The following TTLL8 variants were observed in gnomAD, a reference collection of about 807,000 sequenced individuals.
TTLL8 encodes tubulin tyrosine ligase like 8.
In TTLL8, 65 loss-of-function variants were observed where a neutral mutation model predicts 77.8. That is an observed-to-expected ratio of 0.84 (90% CI 0.68 to 1.03). The LOEUF (loss-of-function observed/expected upper bound fraction) is 1.03, where lower values mean the gene tolerates loss of function less well. Among genes scored for constraint, TTLL8 ranks in the 50% least tolerant of loss-of-function variants. The probability of loss-of-function intolerance (pLI) is 0.00; values close to 1 mark genes in which losing one functional copy is unlikely to be tolerated. For missense variants in TTLL8, 910 were observed against 1,004.5 expected (o/e 0.91, Z 1.27); for synonymous variants, 402 against 422.8 (o/e 0.95, Z 0.60).
At position 50,028,586 on chromosome 22, in the gene TTLL8, T is replaced by C. The variant is rs376572471; in HGVS notation, c.2203+1844A>G. Among the ~76,000 whole-genome samples the C allele has an allele frequency of 2.2e-5, 3 of 138,934 alleles. No individual in the cohort carries two copies. The South Asian group carries it at 7.1e-4, about 33-fold the overall frequency. The allele number at this position is 138,934 out of a possible 152,430, so 91.1% of individuals were successfully genotyped here. A position where few individuals can be genotyped will look rare whatever the true frequency, so the allele number is the denominator to read the frequency against. On this transcript the variant is annotated intron_variant, in intron 12 of 13. Transcript: ENST00000266182. ...CGTGCCGTCATAAAGACCCCCACCA[T>C]GCCCTCGTAAAGACCCCCATCACAC... is the stretch of plus-strand genomic sequence containing the variant.
rs186579177 is a variant in TTLL8 at position 50,051,146 on chromosome 22, G to A, written c.52-899C>T. ...CACAGTGCTGGGATTACAGGCGTGAGCCACCGCGCCCAGCCCCAATATGTA... is the reference window on the plus strand; with the variant it reads ...CACAGTGCTGGGATTACAGGCGTGAACCACCGCGCCCAGCCCCAATATGTA... On this transcript the variant is annotated intron_variant, in intron 1 of 13. Transcript: ENST00000266182. 4.9e-3 allele frequency among the ~76,000 whole-genome samples: 750 copies of A among 152,330 alleles called. 10 individuals are homozygous for A. The highest frequency in any genetic ancestry group is 0.017 in the African/African-American group (719 of 41,568).
chr22:50,027,447 T>C (rs1308341471), intron 12 of TTLL8: 1 of 187,894 alleles, frequency 5.3e-6, no homozygotes, highest in Non-Finnish European at 9.8e-6. Context: ...GGCAGGAGAA[T>C]TGCTTGAACC....
At chr22:50,047,235 T>A (rs1413795775) in exon 4 of TTLL8, 3 of 1,367,546 alleles carry the variant, frequency 2.2e-6, no homozygotes, top group Non-Finnish European at 2.9e-6. Context: ...GCTGTGATAG[T>A]CAATGATGTC....
intron 8 of TTLL8, among the ~76,000 whole-genome samples, chr22:50,036,607 T>C (rs116707393): frequency 0.029 from 4,394 of 151,494 alleles, 225 homozygotes; most frequent in African/African-American, 0.1. Context: ...CTTTTCTTTT[T>C]TTTTTTTTTT....
At chr22:50,030,763 C>T (rs1168081693) in exon 12 of TTLL8, 2 of 1,342,280 alleles carry the variant, frequency 1.5e-6, no homozygotes, top group Middle Eastern at 2.1e-4. Context: ...TGGGCAGGGT[C>T]TGGCATGGCC....
intron 1 of TTLL8, among the ~76,000 whole-genome samples, chr22:50,051,778 T>C (rs1034646124): frequency 2.0e-5 from 3 of 152,222 alleles, no homozygotes; most frequent in African/African-American, 7.2e-5. Flanking sequence ...CGCATTTCCC[T>C]GAGAATTAGT....
chr22:50,056,229 G>A (rs571993432), upstream of TTLL8, among the ~76,000 whole-genome samples: 15 of 152,308 alleles, frequency 9.8e-5, no homozygotes, highest in South Asian at 3.1e-3. This position sits in a 1 kb window ranked among gnomAD's most constrained non-coding sequence, Gnocchi z 4.1. Flanking sequence ...AGGCCATAGC[G>A]CGATTTAACC....
chr22:50,034,622 G>C lies in TTLL8; in HGVS notation c.922-160C>G. 1 of 677,216 alleles carries C rather than the reference G, an allele frequency of 1.5e-6. No homozygotes were observed. Among genetic ancestry groups the C allele is most frequent in the Non-Finnish European group, 2.1e-6 (1 of 468,096 alleles). 42.0% of individuals were successfully genotyped at this position (677,216 alleles called of 1,614,324 possible). On this transcript the variant is annotated intron_variant, in intron 8 of 13. Transcript: ENST00000266182. The surrounding 1 kb of genome is among the most constrained non-coding windows in gnomAD (Gnocchi z 4.1). ...GGCTGGCCTGGCGGGAAAGGGCTGC[G>C]GGTCGGCCCAGGAAGTTCTCCCAAC...
upstream of TTLL8, chr22:50,055,131 G>A (rs1354581793): frequency 3.3e-6 from 4 of 1,201,424 alleles, no homozygotes; most frequent in Admixed American, 3.4e-5. Flanking sequence ...TGCAGCTCGG[G>A]GGCACAGTGC....
At chr22:50,046,445 G>C (rs1326870596) in intron 4 of TTLL8, among the ~76,000 whole-genome samples, 1 of 152,222 alleles carries the variant, frequency 6.6e-6, no homozygotes, top group African/African-American at 2.4e-5. Context: ...CCCGCACCCC[G>C]ATGTCTGGTT....
At chr22:50,051,431 G>A (rs1005303257) in intron 1 of TTLL8, among the ~76,000 whole-genome samples, 10 of 152,198 alleles carry the variant, frequency 6.6e-5, no homozygotes, top group Non-Finnish European at 1.3e-4. Flanking sequence ...TTATCCGCTC[G>A]TTGGTTGATG....
chr22:50,026,287 C>A (rs2061229105), intron 12 of TTLL8, among the ~76,000 whole-genome samples: 1 of 152,068 alleles, frequency 6.6e-6, no homozygotes. Flanking sequence ...ACAGCCGCCA[C>A]CCTGCACAGC....
At chr22:50,033,731 C>A (rs1338568126) in intron 9 of TTLL8, among the ~76,000 whole-genome samples, 5 of 152,188 alleles carry the variant, frequency 3.3e-5, no homozygotes, top group African/African-American at 1.2e-4. Flanking sequence ...GGGACAGAGA[C>A]ACTTTTAAAA....
intron 5 of TTLL8, 25 bp from the exon 8 acceptor site, chr22:50,045,414 C>T (rs1269995336): frequency 2.2e-6 from 3 of 1,362,936 alleles, no homozygotes; most frequent in Admixed American, 1.9e-5. Context: ...CAGCCTCGCC[C>T]TATCTGTCCG....
At chr22:50,031,534 C>T (rs2061292682) in intron 11 of TTLL8, 152 bp downstream of exon 12, 8 of 984,084 alleles carry the variant, frequency 8.1e-6, no homozygotes, top group Admixed American at 1.2e-4. Flanking sequence ...GGGCCCTCAG[C>T]GGGACCGAGC....
Position 50,019,855 on chromosome 22 carries a change from G to A in TTLL8, c.2204-3293C>T, listed in dbSNP as rs943632784. 1.9e-4 allele frequency among the ~76,000 whole-genome samples: 29 copies of A among 152,178 alleles called. 1 individual carries two copies. Among genetic ancestry groups the A allele is most frequent in the African/African-American group, 4.8e-4 (20 of 41,440 alleles). ...ATCCATGTACATGATTACATTAAAC[G>A]TAAATGTTACATGCACTGGTTAAAA... On this transcript the variant is annotated intron_variant, in intron 12 of 13. Transcript: ENST00000266182.
intron 12 of TTLL8, among the ~76,000 whole-genome samples, chr22:50,026,443 C>T (rs528588116): frequency 2.2e-5 from 3 of 134,918 alleles, no homozygotes; most frequent in East Asian, 2.0e-4. Context: ...CACGGAAATA[C>T]GCCTGCCACT....
chr22:50,025,211 T>A (rs2061224352), intron 12 of TTLL8, among the ~76,000 whole-genome samples: 1 of 139,940 alleles, frequency 7.1e-6, no homozygotes, highest in Non-Finnish European at 1.5e-5. Flanking sequence ...ATATTTCACG[T>A]AACCCACAAA....
At chr22:50,048,176 G>A (rs919446766) in intron 3 of TTLL8, among the ~76,000 whole-genome samples, 2 of 151,358 alleles carry the variant, frequency 1.3e-5, no homozygotes, top group African/African-American at 4.9e-5. Context: ...CTAACCACTG[G>A]GTACTGGGGT....
Sources: gnomAD v4.1 joint callset for allele counts (sites outside exome capture counted in the v4.1 genomes callset) on GRCh38, gnomAD v4.1.1 for gene constraint, Gnocchi (gnomAD v3.1) non-coding constraint, MANE v1.5 for transcripts, NCBI Gene and HGNC (gene_info 2026-07-23, HGNC 2026-07-21) for gene names.